Variants in CCDC60 observed in about 807,000 individuals in gnomAD.
CCDC60 encodes coiled-coil domain-containing protein 60.
CCDC60 carries 54 observed loss-of-function variants against 63.5 expected under a neutral mutation model. That is an observed-to-expected ratio of 0.85 (90% CI 0.68 to 1.07). The LOEUF (loss-of-function observed/expected upper bound fraction) is 1.07. CCDC60 is among the 50% of genes least tolerant of loss of function. The pLI, the probability that CCDC60 is intolerant of heterozygous loss-of-function variation, is 0.00. For synonymous variants in CCDC60, 206 were observed against 238.8 expected, an observed-to-expected ratio of 0.86 and a Z score of 1.27; for missense variants, 651 against 684.3, an observed-to-expected ratio of 0.95 and a Z score of 0.54.
intron 1 of CCDC60, among the ~76,000 whole-genome samples, chr12:119,343,300 G>A (rs544155490): frequency 3.3e-5 from 5 of 152,192 alleles, no homozygotes; most frequent in Non-Finnish European, 7.4e-5. Context: ...AAAATTAGCC[G>A]CGTCTGGCAA....
At position 119,456,034 on chromosome 12, in the gene CCDC60, AG is replaced by A. The variant is rs1272409587; in HGVS notation, c.171-15959del. Among the ~76,000 whole-genome samples, 9 of 143,718 alleles carry A rather than the reference AG, an allele frequency of 6.3e-5. 1 individual carries two copies. The highest frequency in any genetic ancestry group is 1.2e-4 in the Non-Finnish European group (8 of 65,880). 94.3% of individuals were successfully genotyped at this position (143,718 alleles called of 152,430 possible). A position where few individuals can be genotyped will look rare whatever the true frequency, so the allele number is the denominator to read the frequency against. ...AAGAAAGAAAGAAAGAAAGAAAGAA[AG>A]AAAGAAAGAAAGAAAGAAAGAAAGA... On this transcript the variant is annotated intron_variant, in intron 2 of 13. Transcript: ENST00000327554. This position sits in a 1 kb window ranked among gnomAD's most constrained non-coding sequence, Gnocchi z 4.6.
intron 6 of CCDC60, among the ~76,000 whole-genome samples, chr12:119,501,367 G>A (rs962254330): frequency 6.6e-6 from 1 of 152,224 alleles, no homozygotes. Flanking sequence ...CCCCAGGTGA[G>A]AGAGGAGGTA....
At chr12:119,501,401 T>C (rs1256555055) in intron 6 of CCDC60, among the ~76,000 whole-genome samples, 2 of 152,200 alleles carry the variant, frequency 1.3e-5, no homozygotes, top group Admixed American at 1.3e-4. Context: ...AGAGGTTAAG[T>C]AACTTACGTA....
intron 13 of CCDC60, among the ~76,000 whole-genome samples, chr12:119,537,986 T>A (rs1293923630): frequency 6.6e-6 from 1 of 152,234 alleles, no homozygotes; most frequent in African/African-American, 2.4e-5. Context: ...TGCAGAAGTA[T>A]CTGCTGCCTT....
At chr12:119,414,392 T>C (rs1264012093) in intron 1 of CCDC60, among the ~76,000 whole-genome samples, 1 of 152,082 alleles carries the variant, frequency 6.6e-6, no homozygotes, top group Non-Finnish European at 1.5e-5. Context: ...ACCTTCCTTC[T>C]CAGCAAACCC....
intron 7 of CCDC60, among the ~76,000 whole-genome samples, chr12:119,513,985 C>A (rs370030041): frequency 2.0e-5 from 3 of 152,022 alleles, no homozygotes; most frequent in East Asian, 3.9e-4. Flanking sequence ...CTAGGTAGAT[C>A]CTTCAGGAGA....
At chr12:119,458,280 C>A (rs1472503363) in intron 2 of CCDC60, among the ~76,000 whole-genome samples, 3 of 152,210 alleles carry the variant, frequency 2.0e-5, no homozygotes, top group Admixed American at 6.5e-5. Context: ...AATCAGATTG[C>A]CATGAGTGTT....
chr12:119,482,006 A>ATGT (rs1377419532), intron 4 of CCDC60, among the ~76,000 whole-genome samples: 2 of 80,042 alleles, frequency 2.5e-5, no homozygotes, highest in African/African-American at 4.6e-5. Flanking sequence ...ATGTATATAT[A>ATGT]GTATATATAT....
intron 1 of CCDC60, among the ~76,000 whole-genome samples, chr12:119,341,853 C>T (rs1443841067): frequency 6.6e-6 from 1 of 152,162 alleles, no homozygotes; most frequent in Admixed American, 6.5e-5. Context: ...ATGAGAGATG[C>T]AATGTGTTAG....
intron 6 of CCDC60, among the ~76,000 whole-genome samples, chr12:119,502,690 ACC>A (rs1448160850): frequency 6.6e-6 from 1 of 152,094 alleles, no homozygotes; most frequent in African/African-American, 2.4e-5. Context: ...CAAGGAAGAC[ACC>A]CCTGGATATG....
chr12:119,389,449 G>T (rs1593012468), intron 1 of CCDC60, among the ~76,000 whole-genome samples: 2 of 152,078 alleles, frequency 1.3e-5, no homozygotes, highest in Non-Finnish European at 2.9e-5. Context: ...AGACAAGTTT[G>T]CTGACTCCAA....
chr12:119,518,134 C>T (rs576161628), intron 8 of CCDC60, among the ~76,000 whole-genome samples: 3 of 152,274 alleles, frequency 2.0e-5, no homozygotes, highest in African/African-American at 7.2e-5. Context: ...ATTGGGGCTG[C>T]TCTGGAAGGT....
rs558155816 is a variant in CCDC60 at position 119,524,726 on chromosome 12, T to C, written c.1229+908T>C. Among the ~76,000 whole-genome samples, 906 of 142,262 alleles carry C rather than the reference T, an allele frequency of 6.4e-3. 10 individuals carry two copies. Among genetic ancestry groups the C allele is most frequent in the African/African-American group, 0.012 (449 of 36,574 alleles). The allele number at this position is 142,262 out of a possible 152,430, so 93.3% of individuals were successfully genotyped here. A position where few individuals can be genotyped will look rare whatever the true frequency, so the allele number is the denominator to read the frequency against. ...AGTTTCTTTTCTTTTCTTTTCTTTT[T>C]TTTTTTTTTTTTTTGAGACAGGGTT... On this transcript the variant is annotated intron_variant, in intron 11 of 13. Coordinates refer to ENST00000327554, the MANE Select transcript of CCDC60 (RefSeq NM_178499.5).
chr12:119,479,332 T>C lies in CCDC60; in HGVS notation c.449+131T>C. ...TTGAAAGGGACATGGAGCCTGGAGC[T>C]GGCAAAGCTATTTGGCATATAAAAA... On this transcript the variant is annotated intron_variant, in intron 4 of 13. Transcript: ENST00000327554. The C allele has an allele frequency of 6.4e-6, 4 of 629,658 alleles. 1 individual carries two copies. The South Asian group carries it at 7.9e-5, about 12-fold the overall frequency. 39.0% of individuals were successfully genotyped at this position (629,658 alleles called of 1,614,324 possible).
intron 5 of CCDC60, among the ~76,000 whole-genome samples, chr12:119,499,452 C>T (rs570231564): frequency 6.6e-6 from 1 of 152,328 alleles, no homozygotes; most frequent in South Asian, 2.1e-4. Context: ...AAGTAAGTGA[C>T]TTAAACTCCC....
rs1955457240 is a variant in CCDC60, at chr12:119,335,162, T to C, written c.-15T>C. On this transcript the variant is annotated 5_prime_UTR_variant, in exon 1 of 14. Transcript: ENST00000327554. ...TGTCTTGGGGGCACAGGCTAAAACC[T>C]GAAGGATTTTTAAGATGACCAAGGT... The C allele has an allele frequency of 6.3e-7, 1 of 1,599,830 alleles. No homozygotes were observed. The highest frequency in any genetic ancestry group is 8.5e-7 in the Non-Finnish European group (1 of 1,173,100).
rs1204417474 is a variant in CCDC60 at position 119,407,357 on chromosome 12, A to AGAAAAGAAAAG, written c.91-21325_91-21315dup. ...ACTCACCTCTACAAAAAAAAAGAAA[A>AGAAAAGAAAAG]GAAAAGAAAAGAAAAAGAAATTTAA... On this transcript the variant is annotated intron_variant, in intron 1 of 13. Transcript: ENST00000327554. 7.2e-5 allele frequency among the ~76,000 whole-genome samples: 11 copies of AGAAAAGAAAAG among 152,070 alleles called. 1 individual carries two copies. The South Asian group carries it at 2.1e-3, about 29-fold the overall frequency.
At chr12:119,418,442 TCTCA>T (rs1956750423) in intron 1 of CCDC60, among the ~76,000 whole-genome samples, 1 of 123,838 alleles carries the variant, frequency 8.1e-6, no homozygotes, top group South Asian at 3.1e-4. Flanking sequence ...TGAGATGGGG[TCTCA>T]CTCTGTTCCC....
intron 1 of CCDC60, among the ~76,000 whole-genome samples, chr12:119,366,614 A>C (rs1231927543): frequency 6.6e-6 from 1 of 152,128 alleles, no homozygotes; most frequent in Admixed American, 6.5e-5. Flanking sequence ...TTCATGAGAA[A>C]ATCAAGTAGC....
Sources: allele counts gnomAD v4.1 joint callset (sites outside exome capture counted in the v4.1 genomes callset), GRCh38; gene constraint gnomAD v4.1.1; non-coding constraint Gnocchi (gnomAD v3.1); transcripts MANE v1.5; gene names NCBI Gene and HGNC (gene_info 2026-07-23, HGNC 2026-07-21).